The following SYNPR variants were observed in gnomAD, a reference collection of about 807,000 sequenced individuals.
SYNPR encodes the protein synaptoporin.
A neutral mutation model predicts 32.9 loss-of-function variants in SYNPR; 23 were observed. The ratio of observed to expected loss-of-function variants is 0.70; its 90% CI spans 0.50 to 0.99. The LOEUF (loss-of-function observed/expected upper bound fraction) is 0.99, where lower values mean the gene tolerates loss of function less well. SYNPR is among the 50% of genes least tolerant of loss of function. The probability of loss-of-function intolerance (pLI) is 0.00; values close to 1 mark genes in which losing one functional copy is unlikely to be tolerated. For synonymous variants in SYNPR, 146 were observed against 135.9 expected, an observed-to-expected ratio of 1.07 and a Z score of -0.52; for missense variants, 318 against 349.3, an observed-to-expected ratio of 0.91 and a Z score of 0.71.
intron 2 of SYNPR, among the ~76,000 whole-genome samples, chr3:63,479,838 C>T (rs1701010898): frequency 1.3e-5 from 2 of 152,176 alleles, no homozygotes; most frequent in African/African-American, 4.8e-5. Flanking sequence ...GAGCCCTTGA[C>T]CCCAGTTGAC....
At chr3:63,372,289 GC>G (rs1486621629) in intron 2 of SYNPR, among the ~76,000 whole-genome samples, 8 of 152,132 alleles carry the variant, frequency 5.3e-5, no homozygotes, top group Admixed American at 2.0e-4. Context: ...CCAAGTGAAG[GC>G]CCCAGCTTGA....
At chr3:63,394,981 A>C (rs192508176) in intron 2 of SYNPR, among the ~76,000 whole-genome samples, 1 of 152,208 alleles carries the variant, frequency 6.6e-6, no homozygotes, top group Non-Finnish European at 1.5e-5. Context: ...CTTATTATGC[A>C]TCTACTAATA....
At chr3:63,611,146 GA>G (rs1447900166) in intron 5 of SYNPR, among the ~76,000 whole-genome samples, 1 of 152,110 alleles carries the variant, frequency 6.6e-6, no homozygotes, top group African/African-American at 2.4e-5. Flanking sequence ...ACTACAACAG[GA>G]AAAAAGTATT....
chr3:63,203,813 C>A, the SYNPR span, among the ~76,000 whole-genome samples: 1 of 150,740 alleles, frequency 6.6e-6, no homozygotes, highest in Admixed American at 6.6e-5. Flanking sequence ...CCAGGCCAAT[C>A]TGGTGAAACC....
intron 2 of SYNPR, among the ~76,000 whole-genome samples, chr3:63,265,061 C>A (rs181183482): frequency 6.6e-6 from 1 of 152,146 alleles, no homozygotes; most frequent in Middle Eastern, 3.4e-3. Flanking sequence ...ATAGCCCTTG[C>A]TCTCTAAAAG....
chr3:63,504,294 A>T (rs1371769466), intron 3 of SYNPR, among the ~76,000 whole-genome samples: 1 of 152,184 alleles, frequency 6.6e-6, no homozygotes, highest in Non-Finnish European at 1.5e-5. Context: ...TTGCAAAGAA[A>T]ATCTCAACAA....
At chr3:63,551,709 A>G (rs1453486442) in intron 3 of SYNPR, among the ~76,000 whole-genome samples, 2 of 152,016 alleles carry the variant, frequency 1.3e-5, no homozygotes, top group Non-Finnish European at 2.9e-5. Context: ...CTCCAGCCTA[A>G]AAGTCACTTC....
intron 1 of SYNPR, among the ~76,000 whole-genome samples, chr3:63,239,289 T>C (rs1043921773): frequency 1.2e-4 from 8 of 68,996 alleles, no homozygotes; most frequent in Non-Finnish European, 2.8e-4. Flanking sequence ...AAGTGTGTCA[T>C]GCACCCATAC....
intron 3 of SYNPR, among the ~76,000 whole-genome samples, chr3:63,540,891 TACACACACACAC>T (rs34925541): frequency 8.1e-6 from 1 of 122,858 alleles, no homozygotes; most frequent in East Asian, 2.5e-4. Flanking sequence ...CTATCACTCC[TACACACACACAC>T]ACACACACAC....
chr3:63,360,918 T>C (rs1256742224), intron 2 of SYNPR, among the ~76,000 whole-genome samples: 1 of 152,206 alleles, frequency 6.6e-6, no homozygotes. Context: ...CTATTGTCTG[T>C]TTAATCATTA....
At chr3:63,455,861 C>T (rs1423577709) in intron 2 of SYNPR, among the ~76,000 whole-genome samples, 1 of 151,462 alleles carries the variant, frequency 6.6e-6, no homozygotes, top group African/African-American at 2.4e-5. Context: ...CAAAGCAGAC[C>T]TCCAATATCA....
At chr3:63,525,079 C>A (rs1029975168) in intron 3 of SYNPR, among the ~76,000 whole-genome samples, 1 of 151,854 alleles carries the variant, frequency 6.6e-6, no homozygotes, top group Non-Finnish European at 1.5e-5. Context: ...TGATGGAGAG[C>A]GACAAAAGTA....
Position 63,592,737 on chromosome 3 carries a change from G to A in SYNPR, c.409-16388G>A, listed in dbSNP as rs150925094. 7.9e-5 allele frequency among the ~76,000 whole-genome samples: 12 copies of A among 152,114 alleles called. No homozygotes were observed. In the East Asian group the frequency reaches 2.3e-3, roughly 30 times the overall value. On this transcript the variant is annotated intron_variant, in intron 4 of 5. Transcript: ENST00000478300. ...AAATAAATGAGTAAACCCACCTAAT[G>A]TATTTGGCCATCAAAACCTACTGGA...
At chr3:63,529,195 C>T (rs557947475) in intron 3 of SYNPR, among the ~76,000 whole-genome samples, 57 of 152,232 alleles carry the variant, frequency 3.7e-4, no homozygotes, top group Non-Finnish European at 3.7e-4. Context: ...TCCTCCAATG[C>T]TCAAGTCCCT....
At chr3:63,405,920 T>G (rs1458522673) in intron 2 of SYNPR, among the ~76,000 whole-genome samples, 6 of 152,186 alleles carry the variant, frequency 3.9e-5, no homozygotes, top group African/African-American at 1.4e-4. Flanking sequence ...GTTGGACATT[T>G]TCTCTATGAT....
rs1273871328 is a variant in SYNPR, at chr3:63,329,818, C to T, written c.84+51076C>T. 2.0e-5 allele frequency among the ~76,000 whole-genome samples: 3 copies of T among 152,120 alleles called. No homozygotes were observed. The East Asian group carries it at 5.8e-4, about 29-fold the overall frequency. On this transcript the variant is annotated intron_variant, in intron 2 of 5. Coordinates refer to ENST00000478300, the MANE Select transcript of SYNPR (RefSeq NM_001130003.2). ...TTTTCATCTAACCCAGGACTCAAGA[C>T]TAGAAATTCGCTGTCCAGGTACCTC...
At chr3:63,589,742 C>T (rs1703271775) in intron 4 of SYNPR, among the ~76,000 whole-genome samples, 1 of 138,144 alleles carries the variant, frequency 7.2e-6, no homozygotes, top group Non-Finnish European at 1.5e-5. Context: ...AAGCCTTTGA[C>T]AAAATTCAAC....
At chr3:63,394,778 C>A (rs12488757) in intron 2 of SYNPR, among the ~76,000 whole-genome samples, 62,655 of 151,930 alleles carry the variant, frequency 0.41, 13,243 homozygotes, top group Middle Eastern at 0.49. Flanking sequence ...GAGGGAATAT[C>A]AATATGTTCA....
Position 63,503,879 on chromosome 3 carries a change from C to A in SYNPR, c.209+22923C>A, listed in dbSNP as rs138739627. ...TGAAAAAAATGAATTATTTAGATAT[C>A]AATAATATTTTAATTAATTTATATG... is the stretch of plus-strand genomic sequence containing the variant. On this transcript the variant is annotated intron_variant, in intron 3 of 5. Coordinates refer to ENST00000478300, the MANE Select transcript of SYNPR (RefSeq NM_001130003.2). Among the ~76,000 whole-genome samples the A allele has an allele frequency of 4.8e-3, 723 of 151,996 alleles. 5 individuals are homozygous for A. The highest frequency in any genetic ancestry group is 7.3e-3 in the Non-Finnish European group (496 of 67,938).
Sources: allele counts gnomAD v4.1 joint callset (sites outside exome capture counted in the v4.1 genomes callset), GRCh38; gene constraint gnomAD v4.1.1; transcripts MANE v1.5; gene names NCBI Gene and HGNC (gene_info 2026-07-23, HGNC 2026-07-21).